AGBL4: variants seen among roughly 807,000 people sequenced by gnomAD.
AGBL4 encodes AGBL carboxypeptidase 4, also known as cytosolic carboxypeptidase 6.
In AGBL4, 58 loss-of-function variants were observed where a neutral mutation model predicts 66.4. That is an observed-to-expected ratio of 0.87 (90% CI 0.71 to 1.09). The LOEUF is 1.09. Among genes scored for constraint, AGBL4 ranks in the 50% least tolerant of loss-of-function variants. The probability of loss-of-function intolerance (pLI) is 0.00; values close to 1 mark genes in which losing one functional copy is unlikely to be tolerated. For synonymous variants in AGBL4, 234 were observed against 222.9 expected, an observed-to-expected ratio of 1.05 and a Z score of -0.44; for missense variants, 579 against 631.0, an observed-to-expected ratio of 0.92 and a Z score of 0.88.
chr1:48,991,776 G>A (rs972490831), intron 5 of AGBL4, among the ~76,000 whole-genome samples: 7 of 151,940 alleles, frequency 4.6e-5, no homozygotes, highest in African/African-American at 1.7e-4. Flanking sequence ...ATGAGACTCT[G>A]ATGCATTCTT....
intron 2 of AGBL4, among the ~76,000 whole-genome samples, chr1:49,743,801 G>C (rs1480758361): frequency 6.6e-6 from 1 of 150,466 alleles, no homozygotes; most frequent in African/African-American, 2.4e-5. Flanking sequence ...ACTATCGCAA[G>C]GACAAAAAAA....
At chr1:49,588,662 T>C (rs1644696655) in intron 3 of AGBL4, among the ~76,000 whole-genome samples, 1 of 152,218 alleles carries the variant, frequency 6.6e-6, no homozygotes, top group Non-Finnish European at 1.5e-5. Flanking sequence ...TATGTGCCTA[T>C]ATCTTTCTTG....
intron 3 of AGBL4, among the ~76,000 whole-genome samples, chr1:49,381,093 T>C (rs1256034171): frequency 1.3e-5 from 2 of 151,992 alleles, no homozygotes; most frequent in Non-Finnish European, 2.9e-5. Flanking sequence ...CGCAACCTAC[T>C]CATCTGACAA....
intron 4 of AGBL4, among the ~76,000 whole-genome samples, chr1:49,207,546 C>CTTTCTTTA (rs1553166406): frequency 2.6e-5 from 2 of 76,132 alleles, no homozygotes; most frequent in African/African-American, 1.2e-4. Flanking sequence ...TCTTTCTTTT[C>CTTTCTTTA]TTTCTTTCTT....
chr1:49,086,259 C>T (rs1229210746), intron 4 of AGBL4, among the ~76,000 whole-genome samples: 2 of 152,162 alleles, frequency 1.3e-5, no homozygotes, highest in Non-Finnish European at 2.9e-5. Context: ...GGGTAGGCAA[C>T]CTTGCCCATT....
chr1:49,874,167 A>G (rs887081963), intron 1 of AGBL4, among the ~76,000 whole-genome samples: 1 of 152,160 alleles, frequency 6.6e-6, no homozygotes, highest in African/African-American at 2.4e-5. Flanking sequence ...TTTTTAAGAA[A>G]AAAAAATGAA....
intron 3 of AGBL4, among the ~76,000 whole-genome samples, chr1:49,645,598 G>A (rs1246746053): frequency 1.3e-5 from 2 of 151,194 alleles, no homozygotes; most frequent in African/African-American, 4.8e-5. Flanking sequence ...CTTCATTAGT[G>A]AAGTCTTTCA....
chr1:49,688,562 T>C (rs1319573718), intron 3 of AGBL4, among the ~76,000 whole-genome samples: 1 of 152,190 alleles, frequency 6.6e-6, no homozygotes, highest in Non-Finnish European at 1.5e-5. Flanking sequence ...ATATCTTCAA[T>C]ATACTGATTT....
At position 49,880,387 on chromosome 1, in the gene AGBL4, C is replaced by A. The variant is rs533359582; in HGVS notation, c.35-28869G>T. On this transcript the variant is annotated intron_variant, in intron 1 of 13. Transcript: ENST00000371839. ...TTAGTTTTCCTTCTAACAGACAGGA[C>A]CCTCAGCTGCAGGTCTGTTGGAATA... Among the ~76,000 whole-genome samples, 391 of 152,104 alleles carry A rather than the reference C, an allele frequency of 2.6e-3. 7 individuals carry two copies. Among genetic ancestry groups the A allele is most frequent in the African/African-American group, 8.9e-3 (367 of 41,440 alleles).
chr1:49,345,660 A>G (rs1275483161), intron 3 of AGBL4, among the ~76,000 whole-genome samples: 1 of 152,118 alleles, frequency 6.6e-6, no homozygotes, highest in Non-Finnish European at 1.5e-5. Flanking sequence ...AGTCAAGAAA[A>G]CTTTTCTTTT....
At chr1:49,583,068 T>A (rs1644576739) in intron 3 of AGBL4, among the ~76,000 whole-genome samples, 2 of 152,194 alleles carry the variant, frequency 1.3e-5, no homozygotes, top group South Asian at 4.1e-4. Flanking sequence ...TATCTTTTAT[T>A]TTAATATTTG....
chr1:48,574,447 G>T lies in AGBL4; in HGVS notation c.1267+12557C>A, dbSNP rs79194775. Reference sequence around the variant, plus strand: ...TACACTTTATACACTGATGAATGCTGTTTATTTCTGGATGGCTTACCCAGG... The same window carrying T: ...TACACTTTATACACTGATGAATGCTTTTTATTTCTGGATGGCTTACCCAGG... On this transcript the variant is annotated intron_variant, in intron 11 of 13. Coordinates refer to ENST00000371839, the MANE Select transcript of AGBL4 (RefSeq NM_032785.4). Among the ~76,000 whole-genome samples the T allele has an allele frequency of 9.1e-4, 139 of 152,090 alleles. 1 individual carries two copies. The highest frequency in any genetic ancestry group is 3.2e-3 in the African/African-American group (131 of 41,484).
chr1:48,585,954 A>G (rs531188741), intron 11 of AGBL4: 1 of 152,344 alleles, frequency 6.6e-6, no homozygotes, highest in East Asian at 1.9e-4. Context: ...CTAAAAGAGC[A>G]CTTCTACCTC....
intron 4 of AGBL4, among the ~76,000 whole-genome samples, chr1:49,151,822 C>T (rs1481927773): frequency 2.0e-5 from 3 of 152,034 alleles, no homozygotes; most frequent in Admixed American, 6.5e-5. Flanking sequence ...ACTTCTCAAA[C>T]GTATTTAAAT....
At chr1:48,633,007 A>T (rs1426363536) in intron 9 of AGBL4, among the ~76,000 whole-genome samples, 1 of 152,214 alleles carries the variant, frequency 6.6e-6, no homozygotes, top group Non-Finnish European at 1.5e-5. Flanking sequence ...AACCACAATC[A>T]TTCTATCTCT....
At chr1:49,156,650 C>T (rs1646436054) in intron 4 of AGBL4, among the ~76,000 whole-genome samples, 1 of 152,072 alleles carries the variant, frequency 6.6e-6, no homozygotes, top group Non-Finnish European at 1.5e-5. Flanking sequence ...TGGCTTTACC[C>T]AGAGAGGAAA....
chr1:49,816,102 G>C (rs536488452), intron 2 of AGBL4, among the ~76,000 whole-genome samples: 2 of 152,122 alleles, frequency 1.3e-5, no homozygotes, highest in East Asian at 3.9e-4. Flanking sequence ...GCCCAGGCTG[G>C]TCTCAAAGTC....
chr1:49,745,363 C>G (rs1248213843), intron 2 of AGBL4, among the ~76,000 whole-genome samples: 1 of 151,966 alleles, frequency 6.6e-6, no homozygotes, highest in Non-Finnish European at 1.5e-5. Flanking sequence ...AATCACACAA[C>G]TTTTATTATA....
downstream of AGBL4, among the ~76,000 whole-genome samples, chr1:48,532,675 C>T (rs1643912873): frequency 6.6e-6 from 1 of 152,138 alleles, no homozygotes; most frequent in South Asian, 2.1e-4. Context: ...ATTAAACTCC[C>T]CAGGACTTTG....
Sources: gnomAD v4.1 joint callset for allele counts (sites outside exome capture counted in the v4.1 genomes callset) on GRCh38, gnomAD v4.1.1 for gene constraint, MANE v1.5 for transcripts, NCBI Gene and HGNC (gene_info 2026-07-23, HGNC 2026-07-21) for gene names.